Variants in ADAM23 observed in about 807,000 individuals in gnomAD.
ADAM23 encodes disintegrin and metalloproteinase domain-containing protein 23.
In ADAM23, 33 loss-of-function variants were observed where a neutral mutation model predicts 120.1. The observed-to-expected ratio is 0.27, with a 90% CI of 0.21 to 0.37. The LOEUF (loss-of-function observed/expected upper bound fraction) is 0.37, where lower values mean the gene tolerates loss of function less well. ADAM23 is among the 10% of genes least tolerant of loss of function. The pLI is 1.00. For synonymous variants in ADAM23, 367 were observed against 375.2 expected, an observed-to-expected ratio of 0.98 and a Z score of 0.25; for missense variants, 862 against 1,058.2, an observed-to-expected ratio of 0.81 and a Z score of 2.57.
At chr2:206,523,805 C>T (rs1696892921) in intron 3 of ADAM23, among the ~76,000 whole-genome samples, 1 of 152,122 alleles carries the variant, frequency 6.6e-6, no homozygotes, top group African/African-American at 2.4e-5. Context: ...CAGTAATTAT[C>T]TAGTGAATTT....
At chr2:206,583,172 C>T (rs930339483) in intron 18 of ADAM23, among the ~76,000 whole-genome samples, 3 of 152,018 alleles carry the variant, frequency 2.0e-5, no homozygotes, top group Admixed American at 6.6e-5. Context: ...TCTCTTCCTC[C>T]GGCCGGGCAC....
At chr2:206,509,108 T>C (rs1050610144) in intron 3 of ADAM23, among the ~76,000 whole-genome samples, 7 of 152,220 alleles carry the variant, frequency 4.6e-5, no homozygotes, top group Non-Finnish European at 1.0e-4. Context: ...TCAGAAATCT[T>C]TGTACTTTTG....
intron 3 of ADAM23, among the ~76,000 whole-genome samples, chr2:206,526,159 CACACACACACACACACACACAG>C (rs962367361): frequency 2.7e-5 from 4 of 150,866 alleles, no homozygotes; most frequent in African/African-American, 9.7e-5. Flanking sequence ...CACACACACA[CACACACACACACACACACACAG>C]ACACACACAG....
chr2:206,499,557 T>G (rs887005373), intron 3 of ADAM23, among the ~76,000 whole-genome samples: 1 of 151,346 alleles, frequency 6.6e-6, no homozygotes, highest in African/African-American at 2.4e-5. Flanking sequence ...AGTTAATGGG[T>G]GCAGCAAACC....
At chr2:206,497,383 CAG>C (rs1303533351) in intron 3 of ADAM23, among the ~76,000 whole-genome samples, 10 of 152,104 alleles carry the variant, frequency 6.6e-5, no homozygotes, top group African/African-American at 1.9e-4. Flanking sequence ...AGCATATAAA[CAG>C]AACCAAAGAC....
At chr2:206,514,732 A>G (rs569527839) in intron 3 of ADAM23, among the ~76,000 whole-genome samples, 6 of 152,282 alleles carry the variant, frequency 3.9e-5, no homozygotes, top group Non-Finnish European at 7.4e-5. Context: ...GACAAACTTC[A>G]TTGTTGTCTT....
intron 3 of ADAM23, among the ~76,000 whole-genome samples, chr2:206,527,666 G>T (rs58486334): frequency 0.053 from 8,117 of 152,196 alleles, 706 homozygotes; most frequent in African/African-American, 0.19. Context: ...GTAGATGTTT[G>T]CTCACTCAGC....
chr2:206,522,605 C>T (rs1696865888), intron 3 of ADAM23, among the ~76,000 whole-genome samples: 1 of 152,158 alleles, frequency 6.6e-6, no homozygotes, highest in African/African-American at 2.4e-5. Context: ...CTGTTCTCTG[C>T]AATTTCTCTA....
intron 4 of ADAM23, among the ~76,000 whole-genome samples, chr2:206,535,890 G>A (rs1333581347): frequency 6.6e-6 from 1 of 152,204 alleles, no homozygotes; most frequent in African/African-American, 2.4e-5. Context: ...GAACTACATA[G>A]TGGGGATAGT....
intron 18 of ADAM23, among the ~76,000 whole-genome samples, chr2:206,582,552 T>C (rs1283812504): frequency 6.6e-6 from 1 of 152,218 alleles, no homozygotes; most frequent in Non-Finnish European, 1.5e-5. Context: ...AGTGTTGAAA[T>C]GTGAGGTACC....
At chr2:206,588,612 C>T (rs1481764671) in intron 20 of ADAM23, among the ~76,000 whole-genome samples, 3 of 152,196 alleles carry the variant, frequency 2.0e-5, no homozygotes, top group Non-Finnish European at 2.9e-5. Flanking sequence ...GATGCATGTA[C>T]TTCCTGAGAT....
At chr2:206,586,600 G>C (rs1437102821) in intron 18 of ADAM23, among the ~76,000 whole-genome samples, 2 of 152,166 alleles carry the variant, frequency 1.3e-5, no homozygotes, top group African/African-American at 4.8e-5. Flanking sequence ...TGCCATGCCT[G>C]CATATTTTTT....
chr2:206,556,484 CTG>C (rs539504587), intron 9 of ADAM23, among the ~76,000 whole-genome samples: 186 of 152,152 alleles, frequency 1.2e-3, no homozygotes, highest in African/African-American at 4.3e-3. Context: ...AAATCTGAGT[CTG>C]TGGTTTTAAG....
intron 3 of ADAM23, among the ~76,000 whole-genome samples, chr2:206,491,490 A>T (rs532263863): frequency 1.6e-4 from 24 of 152,350 alleles, no homozygotes; most frequent in African/African-American, 5.3e-4. Flanking sequence ...GGATAAAAGG[A>T]GACCCTTTGC....
chr2:206,500,986 C>T (rs549503215), intron 3 of ADAM23, among the ~76,000 whole-genome samples: 1 of 151,476 alleles, frequency 6.6e-6, no homozygotes, highest in South Asian at 2.1e-4. Flanking sequence ...AAGAGGTGAG[C>T]CACTCACTTT....
intron 3 of ADAM23, among the ~76,000 whole-genome samples, chr2:206,526,425 C>G (rs1224557412): frequency 6.6e-6 from 1 of 152,212 alleles, no homozygotes; most frequent in African/African-American, 2.4e-5. Flanking sequence ...AATGTTATCT[C>G]TTCCCCACAC....
At chr2:206,463,295 T>C (rs1695464794) in intron 2 of ADAM23, among the ~76,000 whole-genome samples, 1 of 152,032 alleles carries the variant, frequency 6.6e-6, no homozygotes, top group Non-Finnish European at 1.5e-5. Context: ...GAGAAGGAGA[T>C]GTAATGTTGG....
intron 2 of ADAM23, among the ~76,000 whole-genome samples, chr2:206,477,880 T>TAAAA (rs71034456): frequency 1.3e-3 from 144 of 109,112 alleles, no homozygotes; most frequent in Non-Finnish European, 2.1e-3. Flanking sequence ...AATATTCTGT[T>TAAAA]AAAAAAAAAA....
Position 206,550,172 on chromosome 2 carries a change from G to A in ADAM23, c.933+12G>A, listed in dbSNP as rs1697483867. On this transcript the variant is annotated intron_variant, in intron 9 of 25. Coordinates refer to ENST00000264377, the MANE Select transcript of ADAM23 (RefSeq NM_003812.4). ...ATGATCACAAAACGGTAAGAATATA[G>A]AGTCAGTGGGTTTTAGAACAGATAG... The A allele has an allele frequency of 6.6e-7, 1 of 1,523,586 alleles. No homozygotes were observed. The highest frequency in any genetic ancestry group is 9.0e-7 in the Non-Finnish European group (1 of 1,106,500). 94.4% of individuals were successfully genotyped at this position (1,523,586 alleles called of 1,614,324 possible).
Sources: allele counts gnomAD v4.1 joint callset (sites outside exome capture counted in the v4.1 genomes callset), GRCh38; gene constraint gnomAD v4.1.1; transcripts MANE v1.5; gene names NCBI Gene and HGNC (gene_info 2026-07-23, HGNC 2026-07-21).